The following CDS1 variants were observed in gnomAD, a reference collection of about 807,000 sequenced individuals.
CDS1 encodes the protein phosphatidate cytidylyltransferase 1.
A neutral mutation model predicts 62.1 loss-of-function variants in CDS1; 41 were observed. The ratio of observed to expected loss-of-function variants is 0.66; its 90% CI spans 0.51 to 0.86. The LOEUF is 0.86. CDS1 is among the 40% of genes least tolerant of loss of function. The pLI is 0.00. For synonymous variants in CDS1, 185 were observed against 192.6 expected, an observed-to-expected ratio of 0.96 and a Z score of 0.32; for missense variants, 470 against 550.1, an observed-to-expected ratio of 0.85 and a Z score of 1.46.
chr4:84,630,332 C>T (rs1723983024), intron 5 of CDS1, among the ~76,000 whole-genome samples: 2 of 151,936 alleles, frequency 1.3e-5, no homozygotes, highest in Admixed American at 1.3e-4. Flanking sequence ...AAAATGTGTC[C>T]CTATTGCTTG....
chr4:84,641,067 T>A (rs1724368921), intron 10 of CDS1, 77 bp downstream of exon 10: 1 of 888,972 alleles, frequency 1.1e-6, no homozygotes, highest in Non-Finnish European at 1.5e-6. Context: ...TATTTATTTA[T>A]TTATTTAATT....
At chr4:84,628,599 C>G (rs952208135) in intron 5 of CDS1, among the ~76,000 whole-genome samples, 2 of 152,128 alleles carry the variant, frequency 1.3e-5, no homozygotes, top group Non-Finnish European at 2.9e-5. Context: ...GTAGCTTGAT[C>G]ATAGCTCACT....
rs1335643797 is a variant in CDS1 at position 84,645,275 on chromosome 4, T to G, written c.1206T>G (p.Cys402Trp). The change falls in exon 12 of 13, where the codon TGT becomes TGG. Residue 402 changes from cysteine (C) to tryptophan (W), a missense_variant. Physicochemically the swap from Cys to Trp is radical, Grantham distance 215. Around this residue, in one of 5 missense-constraint regions of CDS1, gnomAD observed 68 missense variants for 81.5 expected, o/e 0.83. Transcript: ENST00000295887. Reference sequence around the variant, plus strand: ...GTGGGATAATGGACAGATTTGATTGTCAGTATTTGATGGCAACTTTTGTAC... The same window carrying G: ...GTGGGATAATGGACAGATTTGATTGGCAGTATTTGATGGCAACTTTTGTAC... ...GHGGIMDRFDCQYLMATFVHV... is the reference protein window; with the variant it reads ...GHGGIMDRFDWQYLMATFVHV... The G allele has an allele frequency of 2.5e-6, 4 of 1,612,954 alleles. No individual in the cohort carries two copies. Among genetic ancestry groups the G allele is most frequent in the Non-Finnish European group, 3.4e-6 (4 of 1,179,178 alleles).
chr4:84,619,042 T>TACACAC lies in CDS1; in HGVS notation c.441-351_441-350insCACACA, dbSNP rs1491302704. Among the ~76,000 whole-genome samples, 3 of 97,662 alleles carry TACACAC rather than the reference T, an allele frequency of 3.1e-5. No homozygotes were observed. The South Asian group carries it at 1.2e-3, about 38-fold the overall frequency. 64.1% of individuals were successfully genotyped at this position (97,662 alleles called of 152,430 possible). A position where few individuals can be genotyped will look rare whatever the true frequency, so the allele number is the denominator to read the frequency against. ...ATACATACACACAAAGTATTAAATTTATACACACACACACACACACACACA... is the reference window on the plus strand; with the variant it reads ...ATACATACACACAAAGTATTAAATTTACACACATACACACACACACACACACACACA... On this transcript the variant is annotated intron_variant, in intron 4 of 12. Transcript: ENST00000295887.
chr4:84,650,070 A>C lies in CDS1; in HGVS notation c.*1384A>C, dbSNP rs1006180564. The C allele has an allele frequency of 6.6e-6, 1 of 152,160 alleles. No homozygotes were observed. Among genetic ancestry groups the C allele is most frequent in the Non-Finnish European group, 1.5e-5 (1 of 68,028 alleles). The allele number at this position is 152,160 out of a possible 1,614,324, so 9.4% of individuals were successfully genotyped here. On this transcript the variant is annotated 3_prime_UTR_variant, in exon 13 of 13. Transcript: ENST00000295887. ...GGGAGAAATAGATATATTTTAAATA[A>C]TGTTTTGCTAATGAAAAGAGTAAAT...
chr4:84,594,510 C>T (rs531470611), intron 1 of CDS1, among the ~76,000 whole-genome samples: 1 of 152,052 alleles, frequency 6.6e-6, no homozygotes, highest in Admixed American at 6.5e-5. Flanking sequence ...TGCAGTTTCT[C>T]AGAATTATAA....
chr4:84,585,460 A>G (rs1722384834), intron 1 of CDS1, among the ~76,000 whole-genome samples: 1 of 152,158 alleles, frequency 6.6e-6, no homozygotes, highest in African/African-American at 2.4e-5. Context: ...CAGGGTGTGT[A>G]TTTGAATACA....
intron 2 of CDS1, 130 bp from the exon 3 acceptor site, chr4:84,609,299 G>T (rs1464160998): frequency 1.4e-5 from 7 of 517,728 alleles, no homozygotes; most frequent in South Asian, 7.4e-5. Flanking sequence ...TGTTTTTGTT[G>T]TTTGTTATAT....
intron 5 of CDS1, among the ~76,000 whole-genome samples, chr4:84,629,116 A>T (rs1005674817): frequency 6.6e-6 from 1 of 152,196 alleles, no homozygotes; most frequent in African/African-American, 2.4e-5. Context: ...TCAGGGAAAA[A>T]ACCTATGGAT....
intron 8 of CDS1, among the ~76,000 whole-genome samples, chr4:84,637,574 C>T (rs1724252323): frequency 6.6e-6 from 1 of 152,108 alleles, no homozygotes; most frequent in African/African-American, 2.4e-5. Flanking sequence ...TCACTTCCCA[C>T]CAGGCCCCAC....
At chr4:84,614,879 G>A (rs1162738739) in intron 3 of CDS1, among the ~76,000 whole-genome samples, 2 of 152,196 alleles carry the variant, frequency 1.3e-5, no homozygotes, top group African/African-American at 4.8e-5. Flanking sequence ...TAGCACTAGT[G>A]CACTTTTGGG....
chr4:84,621,284 G>A (rs1723679618), intron 5 of CDS1, among the ~76,000 whole-genome samples: 1 of 152,040 alleles, frequency 6.6e-6, no homozygotes, highest in African/African-American at 2.4e-5. Flanking sequence ...TTTTTCTCCT[G>A]GTACAATCTT....
intron 1 of CDS1, among the ~76,000 whole-genome samples, chr4:84,585,737 A>G (rs1318384794): frequency 1.3e-5 from 2 of 152,210 alleles, no homozygotes; most frequent in Admixed American, 1.3e-4. Flanking sequence ...TTATGCTGAG[A>G]GAAGGCTCTG....
intron 8 of CDS1, among the ~76,000 whole-genome samples, chr4:84,637,242 G>T (rs1228853408): frequency 6.6e-6 from 1 of 152,110 alleles, no homozygotes; most frequent in Non-Finnish European, 1.5e-5. Flanking sequence ...CATGATTTAC[G>T]TATTCAAGAG....
intron 5 of CDS1, among the ~76,000 whole-genome samples, chr4:84,621,634 C>T (rs992509243): frequency 2.0e-5 from 3 of 152,010 alleles, no homozygotes; most frequent in African/African-American, 7.3e-5. Context: ...CCCATGTGGC[C>T]CAGGCTGGTC....
At chr4:84,599,487 C>T (rs1438844847) in intron 1 of CDS1, among the ~76,000 whole-genome samples, 1 of 139,530 alleles carries the variant, frequency 7.2e-6, no homozygotes, top group African/African-American at 2.7e-5. Context: ...AGATAATGAG[C>T]TAGTCTATCA....
At chr4:84,632,659 A>G (rs563851721) in intron 6 of CDS1, among the ~76,000 whole-genome samples, 1 of 152,356 alleles carries the variant, frequency 6.6e-6, no homozygotes, top group East Asian at 1.9e-4. Context: ...AAGTAAAAAT[A>G]GTAGAATATC....
intron 3 of CDS1, among the ~76,000 whole-genome samples, chr4:84,613,810 G>T (rs978530616): frequency 1.3e-5 from 2 of 152,022 alleles, no homozygotes; most frequent in Admixed American, 6.6e-5. Flanking sequence ...TATTGAAAGA[G>T]GTTTTTTCCC....
At chr4:84,634,070 T>A in intron 7 of CDS1, 131 bp downstream of exon 7, 1 of 448,070 alleles carries the variant, frequency 2.2e-6, no homozygotes, top group South Asian at 7.6e-5. Context: ...TTAAACTATC[T>A]TACTGAGTTT....
Sources: gnomAD v4.1 joint callset for allele counts (sites outside exome capture counted in the v4.1 genomes callset) on GRCh38, gnomAD v4.1.1 for gene constraint, gnomAD v4.1.1 regional missense constraint, MANE v1.5 for transcripts, NCBI Gene and HGNC (gene_info 2026-07-23, HGNC 2026-07-21) for gene names.